The following TSHZ3 variants were observed in gnomAD, a reference collection of about 807,000 sequenced individuals.
TSHZ3 encodes teashirt homolog 3.
A neutral mutation model predicts 64.5 loss-of-function variants in TSHZ3; 10 were observed. That is an observed-to-expected ratio of 0.16 (90% CI 0.10 to 0.26). The LOEUF (loss-of-function observed/expected upper bound fraction) is 0.26, where lower values mean the gene tolerates loss of function less well. TSHZ3 is among the 10% of genes least tolerant of loss of function. TSHZ3 has a pLI of 1.00. For synonymous variants in TSHZ3, 608 were observed against 593.1 expected (o/e 1.03, Z -0.36); for missense variants, 1,242 against 1,421.7 (o/e 0.87, Z 2.03).
intron 5 of TSHZ3, among the ~76,000 whole-genome samples, chr19:31,202,911 T>C (rs112524092): frequency 2.8e-4 from 42 of 152,316 alleles, no homozygotes; most frequent in African/African-American, 9.1e-4. Flanking sequence ...GTGTCAGGCA[T>C]AGTGCCAGGA....
chr19:31,329,445 C>T (rs769597672), intron 1 of TSHZ3, among the ~76,000 whole-genome samples: 31 of 152,214 alleles, frequency 2.0e-4, no homozygotes, highest in Admixed American at 9.8e-4. Context: ...GCAATGGGCA[C>T]GCTCAAGTTT....
At chr19:31,164,478 A>G (rs1402615693) in intron 5 of TSHZ3, among the ~76,000 whole-genome samples, 1 of 152,224 alleles carries the variant, frequency 6.6e-6, no homozygotes, top group Non-Finnish European at 1.5e-5. Flanking sequence ...ACAGCCTAGC[A>G]CAGTGCTTGG....
At chr19:31,271,256 G>A (rs907562122), downstream of TSHZ3, among the ~76,000 whole-genome samples, 10 of 152,132 alleles carry the variant, frequency 6.6e-5, no homozygotes, top group African/African-American at 2.2e-4. Flanking sequence ...TCCAGGGTTC[G>A]CTGGCCTTTA....
At chr19:31,162,833 G>T (rs1974388174) in intron 5 of TSHZ3, among the ~76,000 whole-genome samples, 1 of 152,200 alleles carries the variant, frequency 6.6e-6, no homozygotes. Flanking sequence ...CAACATAAGT[G>T]CATGGGCACT....
intron 1 of TSHZ3, among the ~76,000 whole-genome samples, chr19:31,332,771 A>G (rs1012421294): frequency 6.6e-6 from 1 of 152,102 alleles, no homozygotes; most frequent in African/African-American, 2.4e-5. Context: ...TGCACTTACT[A>G]TCTCATAGGA....
chr19:31,230,753 G>T (rs1240049254), intron 3 of TSHZ3, among the ~76,000 whole-genome samples: 1 of 143,610 alleles, frequency 7.0e-6, no homozygotes, highest in East Asian at 2.1e-4. Flanking sequence ...AGGCTGGAGT[G>T]CAGTGGCCCA....
rs552310589 is a variant in TSHZ3, at chr19:31,334,874, T to C, written c.40+14306A>G. On this transcript the variant is annotated intron_variant, in intron 1 of 1. Coordinates refer to ENST00000240587, the MANE Select transcript of TSHZ3 (RefSeq NM_020856.4). ...GGAGATGCTGAAATCCTGGCCAAAA[T>C]GCACACCCACAGAAGCCAAATCTCC... 3.3e-5 allele frequency among the ~76,000 whole-genome samples: 5 copies of C among 152,170 alleles called. No homozygotes were observed. In the South Asian group the frequency reaches 8.3e-4, roughly 25 times the overall value.
At chr19:31,350,469 T>C (rs2021686441), upstream of TSHZ3, among the ~76,000 whole-genome samples, 1 of 150,148 alleles carries the variant, frequency 6.7e-6, no homozygotes. Flanking sequence ...GGGCCGATCC[T>C]AGGGCGGGAC....
At chr19:31,198,099 C>T (rs920423686) in intron 5 of TSHZ3, among the ~76,000 whole-genome samples, 1 of 151,986 alleles carries the variant, frequency 6.6e-6, no homozygotes, top group African/African-American at 2.4e-5. Flanking sequence ...AAGTATGGAC[C>T]ACAGCTGACT....
chr19:31,193,879 T>G (rs994543432), intron 5 of TSHZ3, among the ~76,000 whole-genome samples: 3 of 152,206 alleles, frequency 2.0e-5, no homozygotes, highest in Non-Finnish European at 4.4e-5. Flanking sequence ...TTAGTAGAAA[T>G]TTTTTAGAAA....
chr19:31,345,757 A>G (rs1917573227), intron 1 of TSHZ3, among the ~76,000 whole-genome samples: 2 of 152,150 alleles, frequency 1.3e-5, no homozygotes, highest in Admixed American at 1.3e-4. Flanking sequence ...GAAAATTAAT[A>G]TAAGTAAAAT....
At chr19:31,248,750 A>G (rs934041989) in intron 1 of TSHZ3, among the ~76,000 whole-genome samples, 1 of 150,648 alleles carries the variant, frequency 6.6e-6, no homozygotes, top group African/African-American at 2.5e-5. Flanking sequence ...TGATCGCACC[A>G]CTGCACTCCA....
intron 1 of TSHZ3, among the ~76,000 whole-genome samples, chr19:31,326,276 G>A (rs2145174722): frequency 6.6e-6 from 1 of 152,306 alleles, no homozygotes; most frequent in East Asian, 1.9e-4. Context: ...TTGCCCCTAG[G>A]GAGAAGAACT....
intron 5 of TSHZ3, among the ~76,000 whole-genome samples, chr19:31,178,424 G>A (rs1036340838): frequency 2.0e-5 from 3 of 152,202 alleles, no homozygotes; most frequent in African/African-American, 7.2e-5. Context: ...GGGCATGGTG[G>A]TTCATGCCTG....
rs1321425446 is a variant in TSHZ3, at chr19:31,171,627, T to C, written n.810-15210A>G. Among the ~76,000 whole-genome samples the C allele has an allele frequency of 2.0e-5, 3 of 151,560 alleles. No homozygotes were observed. In the East Asian group the frequency reaches 5.8e-4, roughly 29 times the overall value. ...TTCAAAAAAGAAAAAAAAAAACCCATAAACCTCAGTTCTATGGGACAATTA... is the reference window on the plus strand; with the variant it reads ...TTCAAAAAAGAAAAAAAAAAACCCACAAACCTCAGTTCTATGGGACAATTA... On this transcript the variant is annotated intron_variant and non_coding_transcript_variant, in intron 5 of 6. Transcript: ENST00000651361.
chr19:31,212,200 A>T (rs1568349547), intron 4 of TSHZ3, among the ~76,000 whole-genome samples: 1 of 152,172 alleles, frequency 6.6e-6, no homozygotes, highest in Non-Finnish European at 1.5e-5. Flanking sequence ...TCACACCTGT[A>T]ATACCAGCAA....
At chr19:31,268,972 G>T (rs1186483465) in intron 1 of TSHZ3, among the ~76,000 whole-genome samples, 2 of 152,130 alleles carry the variant, frequency 1.3e-5, no homozygotes, top group Admixed American at 1.3e-4. Flanking sequence ...GTTGGGCAAA[G>T]TGAGGTCCCC....
intron 1 of TSHZ3, among the ~76,000 whole-genome samples, chr19:31,263,095 C>T (rs73033835): frequency 0.029 from 4,404 of 152,236 alleles, 88 homozygotes; most frequent in Non-Finnish European, 0.039. Context: ...GGGCAGACAG[C>T]ATCGTGAAGG....
At chr19:31,342,703 C>T (rs1243942351) in intron 1 of TSHZ3, among the ~76,000 whole-genome samples, 2 of 152,188 alleles carry the variant, frequency 1.3e-5, no homozygotes, top group Non-Finnish European at 2.9e-5. Flanking sequence ...AGTCATTTCA[C>T]GTATATTACC....
Sources: gnomAD v4.1 joint callset for allele counts (sites outside exome capture counted in the v4.1 genomes callset) on GRCh38, gnomAD v4.1.1 for gene constraint, MANE v1.5 for transcripts, NCBI Gene and HGNC (gene_info 2026-07-23, HGNC 2026-07-21) for gene names.